Variants in COBL observed in about 807,000 individuals in gnomAD.
The protein encoded by COBL is protein cordon-bleu.
COBL carries 51 observed loss-of-function variants against 98.8 expected under a neutral mutation model. That is an observed-to-expected ratio of 0.52 (90% CI 0.41 to 0.65). The LOEUF (loss-of-function observed/expected upper bound fraction) is 0.65, where lower values mean the gene tolerates loss of function less well. Ranked by LOEUF, COBL falls within the 30% of genes least tolerant of loss-of-function variation. The pLI, the probability that COBL is intolerant of heterozygous loss-of-function variation, is 0.00. For missense variants in COBL, 1,617 were observed against 1,617.5 expected, an observed-to-expected ratio of 1.00 and a Z score of 0.01; for synonymous variants, 634 against 651.7, an observed-to-expected ratio of 0.97 and a Z score of 0.41.
At chr7:51,282,625 A>C (rs1799908304) in intron 1 of COBL, among the ~76,000 whole-genome samples, 1 of 152,128 alleles carries the variant, frequency 6.6e-6, no homozygotes, top group South Asian at 2.1e-4. Context: ...ACTCTCTTAC[A>C]AATCAATACA....
chr7:51,219,930 G>T lies in COBL; in HGVS notation c.56C>A (p.Ala19Asp), dbSNP rs766167531. 7 of 1,610,776 alleles carry T rather than the reference G, an allele frequency of 4.3e-6. No homozygotes were observed. In the Admixed American group the frequency reaches 1.2e-4, roughly 27 times the overall value. ...CTTTCCAGGAGGTGGGGGAGCACGA[G>T]CCTTCATCTTCCTCCTTAAAAACAA... The part of the protein sequence containing the change: ...AKPPTGRKMK[A>D]RAPPPPGKAA... Residue 19 changes from alanine to aspartate, a missense_variant, in exon 2 of 13, where the codon GCT (alanine) becomes GAT (aspartate). Physicochemically the swap from Ala to Asp is moderately radical, Grantham distance 126 (BLOSUM62 -2). This residue lies in a region of COBL where 238 missense variants were observed against 215.0 expected (regional missense o/e 1.11). Coordinates refer to ENST00000265136, the MANE Select transcript of COBL (RefSeq NM_015198.5).
chr7:51,035,029 T>G (rs1308166719), intron 8 of COBL: 10 of 152,194 alleles, frequency 6.6e-5, no homozygotes, highest in Admixed American at 6.5e-4. Flanking sequence ...ACCGGCAAGT[T>G]TCAAACCAGA....
At chr7:51,170,552 A>G (rs1285246845) in intron 5 of COBL, among the ~76,000 whole-genome samples, 1 of 147,818 alleles carries the variant, frequency 6.8e-6, no homozygotes, top group African/African-American at 2.5e-5. Flanking sequence ...ACATACATAT[A>G]TATATGTCAC....
At chr7:51,051,033 AT>A (rs2077426418) in intron 7 of COBL, among the ~76,000 whole-genome samples, 1 of 152,044 alleles carries the variant, frequency 6.6e-6, no homozygotes, top group Admixed American at 6.6e-5. Flanking sequence ...ATTTTCCGTT[AT>A]TTGGATTATA....
chr7:51,261,124 C>T (rs1338625476), intron 1 of COBL, among the ~76,000 whole-genome samples: 1 of 152,194 alleles, frequency 6.6e-6, no homozygotes, highest in East Asian at 1.9e-4. Flanking sequence ...GCACATGCTG[C>T]CGTACACAGT....
chr7:51,286,260 ACTT>A (rs1800350080), intron 1 of COBL, among the ~76,000 whole-genome samples: 1 of 151,728 alleles, frequency 6.6e-6, no homozygotes, highest in Admixed American at 6.6e-5. Flanking sequence ...AAAAAGCTGT[ACTT>A]CTTCATAATT....
intron 1 of COBL, among the ~76,000 whole-genome samples, chr7:51,240,408 T>C (rs894185758): frequency 6.6e-6 from 1 of 152,218 alleles, no homozygotes; most frequent in African/African-American, 2.4e-5. Context: ...CCATCAACAT[T>C]CATGTCAGAA....
Position 51,230,897 on chromosome 7 carries a change from G to A in COBL, c.42-10953C>T, listed in dbSNP as rs552274569. Among the ~76,000 whole-genome samples the A allele has an allele frequency of 1.1e-4, 16 of 152,348 alleles. 1 individual carries two copies. The South Asian group carries it at 3.1e-3, about 30-fold the overall frequency. On this transcript the variant is annotated intron_variant, in intron 1 of 12. Transcript: ENST00000265136. ...AGCCTTCAGTGAGTGAATGAATGGA[G>A]TAAAGTCACAAAAGAGGAAGTCACA... is the stretch of plus-strand genomic sequence containing the variant.
At chr7:51,302,114 G>A (rs528127935) in intron 1 of COBL, among the ~76,000 whole-genome samples, 274 of 152,260 alleles carry the variant, frequency 1.8e-3, no homozygotes, top group Middle Eastern at 3.4e-3. Flanking sequence ...TTACAAACTA[G>A]GTGAAGACTG....
chr7:51,145,143 T>C (rs1583950167), intron 5 of COBL, among the ~76,000 whole-genome samples: 1 of 151,560 alleles, frequency 6.6e-6, no homozygotes, highest in East Asian at 2.0e-4. Context: ...GCCTCCTGAG[T>C]AGCTGGGATT....
intron 6 of COBL, among the ~76,000 whole-genome samples, chr7:51,116,401 C>A (rs77133570): frequency 6.6e-6 from 1 of 152,006 alleles, no homozygotes; most frequent in Non-Finnish European, 1.5e-5. Context: ...GTATTATAAC[C>A]CTTCACATCA....
intron 12 of COBL, among the ~76,000 whole-genome samples, chr7:51,023,362 T>A (rs1198644931): frequency 6.6e-6 from 1 of 152,212 alleles, no homozygotes; most frequent in African/African-American, 2.4e-5. Flanking sequence ...TCCCTTGCCA[T>A]CTGGGTAAGG....
chr7:51,077,141 A>C (rs1459727156), intron 7 of COBL, among the ~76,000 whole-genome samples: 3 of 152,188 alleles, frequency 2.0e-5, no homozygotes, highest in Non-Finnish European at 4.4e-5. Flanking sequence ...GTATGCACAC[A>C]ACTGTATTGG....
intron 1 of COBL, among the ~76,000 whole-genome samples, chr7:51,247,292 TG>T (rs1285877322): frequency 1.3e-5 from 2 of 152,158 alleles, no homozygotes; most frequent in Non-Finnish European, 2.9e-5. Context: ...GCTTTCTCAG[TG>T]GTGCTGTCTC....
At chr7:51,209,388 G>A (rs1481044068) in intron 2 of COBL, among the ~76,000 whole-genome samples, 1 of 152,188 alleles carries the variant, frequency 6.6e-6, no homozygotes, top group Non-Finnish European at 1.5e-5. Flanking sequence ...GTGGGTGCTG[G>A]TGGCAGTGGG....
At chr7:51,245,967 G>A (rs146104443) in intron 1 of COBL, among the ~76,000 whole-genome samples, 114 of 152,214 alleles carry the variant, frequency 7.5e-4, no homozygotes, top group African/African-American at 2.6e-3. Flanking sequence ...ATTATCCAAA[G>A]ACTTAGTTTT....
At chr7:51,167,839 A>C (rs1226590045) in intron 5 of COBL, among the ~76,000 whole-genome samples, 2 of 152,168 alleles carry the variant, frequency 1.3e-5, no homozygotes, top group African/African-American at 4.8e-5. Context: ...CGTCTCTTTA[A>C]TAAATGGTCT....
intron 7 of COBL, chr7:51,064,497 T>C (rs1437323601): frequency 6.6e-6 from 1 of 152,296 alleles, no homozygotes; most frequent in Non-Finnish European, 1.5e-5. Flanking sequence ...GGTCTATACA[T>C]ATACTTGAAA....
intron 1 of COBL, among the ~76,000 whole-genome samples, chr7:51,222,338 T>G (rs2129091740): frequency 6.6e-6 from 1 of 152,344 alleles, no homozygotes; most frequent in East Asian, 1.9e-4. Flanking sequence ...TTCTTTCAAT[T>G]TATAGAAATA....
Sources: allele counts gnomAD v4.1 joint callset (sites outside exome capture counted in the v4.1 genomes callset), GRCh38; gene constraint gnomAD v4.1.1; regional missense constraint gnomAD v4.1.1; transcripts MANE v1.5; gene names NCBI Gene and HGNC (gene_info 2026-07-23, HGNC 2026-07-21).